The following MMP11 variants were observed in gnomAD, a reference collection of about 807,000 sequenced individuals.
MMP11 encodes the protein stromelysin-3.
MMP11 carries 26 observed loss-of-function variants against 49.5 expected under a neutral mutation model. The observed-to-expected ratio is 0.52, with a 90% CI of 0.38 to 0.73. The LOEUF (loss-of-function observed/expected upper bound fraction) is 0.73. Ranked by LOEUF, MMP11 falls within the 30% of genes least tolerant of loss-of-function variation. The probability of loss-of-function intolerance (pLI) is 0.00; values close to 1 mark genes in which losing one functional copy is unlikely to be tolerated. For missense variants in MMP11, 624 were observed against 671.2 expected (o/e 0.93, Z 0.78); for synonymous variants, 265 against 282.3 (o/e 0.94, Z 0.62).
At chr22:23,779,450 C>T in intron 2 of MMP11, 34 bp downstream of exon 2, 1 of 1,555,050 alleles carries the variant, frequency 6.4e-7, no homozygotes, top group Non-Finnish European at 8.8e-7. Flanking sequence ...TAGGATGCCA[C>T]CTGTGTGTCC....
At position 23,784,232 on chromosome 22, in the gene MMP11, T is replaced by C. The variant is rs1927756993; in HGVS notation, c.*688T>C. 6.5e-6 allele frequency: 1 copy of C among 153,564 alleles called. No individual in the cohort carries two copies. The highest frequency in any genetic ancestry group is 2.4e-5 in the African/African-American group (1 of 41,332). 9.5% of individuals were successfully genotyped at this position (153,564 alleles called of 1,614,324 possible). On this transcript the variant is annotated 3_prime_UTR_variant, in exon 8 of 8. Coordinates refer to ENST00000215743, the MANE Select transcript of MMP11 (RefSeq NM_005940.5). ...GCACTGCTATCCTCCAAAGCCATTGTAAATGTGTGTACAGTGTGTATAAAC... is the reference window on the plus strand; with the variant it reads ...GCACTGCTATCCTCCAAAGCCATTGCAAATGTGTGTACAGTGTGTATAAAC...
chr22:23,773,049 G>A lies in MMP11; in HGVS notation c.108+71G>A, dbSNP rs28363612. Reference sequence around the variant, plus strand: ...GGGCACGCGGGCTGGGCCCAGCGGCGGATCCGGACCGAAGGGGGCGCCCCG... The same window carrying A: ...GGGCACGCGGGCTGGGCCCAGCGGCAGATCCGGACCGAAGGGGGCGCCCCG... On this transcript the variant is annotated intron_variant, in intron 1 of 7. Coordinates refer to ENST00000215743, the MANE Select transcript of MMP11 (RefSeq NM_005940.5). 7,717 of 1,126,990 alleles carry A rather than the reference G, an allele frequency of 6.8e-3. 165 individuals carry two copies. In the South Asian group the frequency reaches 0.1, roughly 15 times the overall value. 69.8% of individuals were successfully genotyped at this position (1,126,990 alleles called of 1,614,324 possible).
intron 1 of MMP11, 69 bp from the exon 2 acceptor site, chr22:23,779,118 C>T: frequency 7.8e-7 from 1 of 1,277,808 alleles, no homozygotes; most frequent in South Asian, 1.4e-5. Context: ...TGCTGACAGG[C>T]CACATCTCTA....
At position 23,782,466 on chromosome 22, in the gene MMP11, C is replaced by G; in HGVS notation, c.1316C>G (p.Ala439Gly). 1.2e-6 allele frequency: 2 copies of G among 1,611,004 alleles called. No homozygotes were observed. Among genetic ancestry groups the G allele is most frequent in the Non-Finnish European group, 1.7e-6 (2 of 1,178,614 alleles). Residue 439 changes from alanine to glycine, a missense_variant, in exon 7 of 8, where the codon GCC becomes GGC. Transcript: ENST00000215743. The part of the protein sequence containing the change: ...WRGVPSEIDA[A>G]FQDADGYAYF... Reference sequence around the variant, plus strand: ...GGGGTGCCCTCTGAGATCGACGCTGCCTTCCAGGATGCTGATGGTGCGTTG... The same window carrying G: ...GGGGTGCCCTCTGAGATCGACGCTGGCTTCCAGGATGCTGATGGTGCGTTG...
Position 23,780,761 on chromosome 22 carries a change from TA to T in MMP11, c.616+49del. ...TTCCAGATGGGGCAACCGAAGATCA[TA>T]AAGAATGGGGACTCGCCAAGGTCAC... is the stretch of plus-strand genomic sequence containing the variant. On this transcript the variant is annotated intron_variant, in intron 4 of 7. Coordinates refer to ENST00000215743, the MANE Select transcript of MMP11 (RefSeq NM_005940.5). This position sits in a 1 kb window ranked among gnomAD's most constrained non-coding sequence, Gnocchi z 4.6. The T allele has an allele frequency of 6.4e-7, 1 of 1,552,490 alleles. No homozygotes were observed.
rs768016406 is a variant in MMP11 at position 23,781,185 on chromosome 22, C to T, written c.859-8C>T. On this transcript the variant is annotated splice_polypyrimidine_tract_variant and splice_region_variant and intron_variant, in intron 5 of 7. Transcript: ENST00000215743. ...GCCCTCAGCATGTGTCCCTCTCTCC[C>T]ACCCCAGCCAGACGCCCCGCCAGAT... The T allele has an allele frequency of 2.8e-5, 45 of 1,610,940 alleles. No homozygotes were observed. Among genetic ancestry groups the T allele is most frequent in the African/African-American group, 1.3e-5 (1 of 74,938 alleles).
At position 23,779,402 on chromosome 22, in the gene MMP11, G is replaced by C. The variant is rs145797865; in HGVS notation, c.324G>C (p.Thr108=). 1.2e-6 allele frequency: 2 copies of C among 1,611,506 alleles called. No homozygotes were observed. Among genetic ancestry groups the C allele is most frequent in the East Asian group, 2.2e-5 (1 of 44,834 alleles). Residue 108 remains threonine, a synonymous_variant, in exon 2 of 8, where the codon ACG becomes ACC. Coordinates refer to ENST00000215743, the MANE Select transcript of MMP11 (RefSeq NM_005940.5). ...FVLSGGRWEK[T]DLTYRILRFP... ...TTTCTGGCGGGCGCTGGGAGAAGAC[G>C]GACCTCACCTACAGGTAGGGGCCTG...
rs1265398288 is a variant in MMP11 at position 23,779,281 on chromosome 22, C to A, written c.203C>A (p.Ala68Asp). Reference protein sequence around the residue: ...SPAPAPATQEAPRPASSLRPP... With the variant: ...SPAPAPATQEDPRPASSLRPP... ...GCACCTGCCCCTGCCACGCAGGAAG[C>A]CCCCCGGCCTGCCAGCAGCCTCAGG... is the stretch of plus-strand genomic sequence containing the variant. The change falls in exon 2 of 8, where the codon GCC (alanine) becomes GAC (aspartate). Residue 68 changes from alanine (A) to aspartate (D), a missense_variant. Physicochemically the swap from Ala to Asp is moderately radical, Grantham distance 126. Coordinates refer to ENST00000215743, the MANE Select transcript of MMP11 (RefSeq NM_005940.5). The A allele has an allele frequency of 1.2e-6, 2 of 1,609,506 alleles. No individual in the cohort carries two copies. Among genetic ancestry groups the A allele is most frequent in the Non-Finnish European group, 1.7e-6 (2 of 1,178,536 alleles).
Position 23,772,870 on chromosome 22 carries a change from G to A in MMP11, c.-1G>A. 8.7e-7 allele frequency: 1 copy of A among 1,155,960 alleles called. No individual in the cohort carries two copies. Among genetic ancestry groups the A allele is most frequent in the Non-Finnish European group, 1.1e-6 (1 of 939,500 alleles). 71.6% of individuals were successfully genotyped at this position (1,155,960 alleles called of 1,614,324 possible). ...CAGCAAGCCCAGCAGCCCCGGGGCG[G>A]ATGGCTCCGGCCGCCTGGCTCCGCA... On this transcript the variant is annotated 5_prime_UTR_variant, in exon 1 of 8. Coordinates refer to ENST00000215743, the MANE Select transcript of MMP11 (RefSeq NM_005940.5).
intron 2 of MMP11, 63 bp downstream of exon 2, chr22:23,779,479 C>T (rs903748085): frequency 1.5e-6 from 2 of 1,364,404 alleles, no homozygotes; most frequent in Non-Finnish European, 2.0e-6. Context: ...GCCAGCTGCC[C>T]TCACAGCTGC....
chr22:23,779,359 G>A lies in MMP11; in HGVS notation c.281G>A (p.Arg94Gln), dbSNP rs1345914899. 5.0e-6 allele frequency: 8 copies of A among 1,613,166 alleles called. No homozygotes were observed. The highest frequency in any genetic ancestry group is 1.1e-5 in the South Asian group (1 of 90,990). ...TCTGATGGGCTGAGTGCCCGCAACC[G>A]ACAGAAGAGGTTCGTGCTTTCTGGC... ...DPSDGLSARN[R>Q]QKRFVLSGGR... is the part of the protein sequence containing the mutation. Residue 94 changes from arginine (R) to glutamine (Q), a missense_variant, in exon 2 of 8, where the codon CGA becomes CAA. Physicochemically the swap from Arg to Gln is conservative, Grantham distance 43. Coordinates refer to ENST00000215743, the MANE Select transcript of MMP11 (RefSeq NM_005940.5).
intron 6 of MMP11, 65 bp from the exon 7 acceptor site, chr22:23,782,161 G>A: frequency 8.3e-6 from 13 of 1,574,556 alleles, no homozygotes; most frequent in Non-Finnish European, 1.1e-5. Flanking sequence ...GGTCAAGCAG[G>A]TCCACAGTGG....
chr22:23,776,740 T>TC (rs934831492), intron 1 of MMP11, among the ~76,000 whole-genome samples: 5 of 151,930 alleles, frequency 3.3e-5, no homozygotes, highest in Non-Finnish European at 7.4e-5. Flanking sequence ...GGTGAGAGGT[T>TC]CCATCAGGGG....
intron 1 of MMP11, among the ~76,000 whole-genome samples, chr22:23,776,740 T>C (rs963416862): frequency 2.6e-5 from 4 of 151,842 alleles, no homozygotes; most frequent in Non-Finnish European, 5.9e-5. Flanking sequence ...GGTGAGAGGT[T>C]CCATCAGGGG....
intron 7 of MMP11, 93 bp from the exon 8 acceptor site, chr22:23,783,318 C>T: frequency 1.3e-6 from 2 of 1,515,874 alleles, no homozygotes; most frequent in Non-Finnish European, 1.8e-6. Context: ...TCCCACTCAG[C>T]CCTCCCTTAG....
intron 2 of MMP11, chr22:23,779,744 C>G (rs113111716): frequency 4.9e-6 from 2 of 411,416 alleles, no homozygotes; most frequent in Non-Finnish European, 8.8e-6. Flanking sequence ...TGGGACTCCA[C>G]GGTGAATGAG....
chr22:23,780,748 C>T lies in MMP11; in HGVS notation c.616+33C>T. On this transcript the variant is annotated intron_variant, in intron 4 of 7. Coordinates refer to ENST00000215743, the MANE Select transcript of MMP11 (RefSeq NM_005940.5). This position sits in a 1 kb window ranked among gnomAD's most constrained non-coding sequence, Gnocchi z 4.6. Reference sequence around the variant, plus strand: ...CTGGGGACCCATTTTCCAGATGGGGCAACCGAAGATCATAAAGAATGGGGA... The same window carrying T: ...CTGGGGACCCATTTTCCAGATGGGGTAACCGAAGATCATAAAGAATGGGGA... 5 of 1,547,602 alleles carry T rather than the reference C, an allele frequency of 3.2e-6. No individual in the cohort carries two copies. The East Asian group carries it at 9.0e-5, about 28-fold the overall frequency.
In MMP11 at chr22:23,780,039, G is replaced by C; in HGVS notation, c.339-320G>C. ...TTAGAATTTCCTAGGTGGGGGCCTG[G>C]GAACCAACAGGGGCTCAAGGAACCA... On this transcript the variant is annotated intron_variant, in intron 2 of 7. Transcript: ENST00000215743. The surrounding 1 kb of genome is among the most constrained non-coding windows in gnomAD (Gnocchi z 4.6). The C allele has an allele frequency of 2.5e-6, 1 of 396,054 alleles. No homozygotes were observed. Among genetic ancestry groups the C allele is most frequent in the Non-Finnish European group, 4.7e-6 (1 of 214,732 alleles). The allele number at this position is 396,054 out of a possible 1,614,324, so 24.5% of individuals were successfully genotyped here.
At chr22:23,782,167 A>G (rs1272016609) in intron 6 of MMP11, 59 bp from the exon 7 acceptor site, 2 of 1,576,572 alleles carry the variant, frequency 1.3e-6, no homozygotes, top group Non-Finnish European at 1.7e-6. Flanking sequence ...GCAGGTCCAC[A>G]GTGGCGGGGC....
Sources: allele counts gnomAD v4.1 joint callset (sites outside exome capture counted in the v4.1 genomes callset), GRCh38; gene constraint gnomAD v4.1.1; non-coding constraint Gnocchi (gnomAD v3.1); transcripts MANE v1.5; gene names NCBI Gene and HGNC (gene_info 2026-07-23, HGNC 2026-07-21).